ARSG: variants seen among roughly 807,000 people sequenced by gnomAD.
ARSG encodes the protein arylsulfatase G.
Under a neutral mutation model 50.5 loss-of-function variants are expected in ARSG, and 37 were observed. The observed-to-expected ratio is 0.73, with a 90% CI of 0.56 to 0.96. ARSG has a LOEUF of 0.96. Ranked by LOEUF, ARSG falls within the 50% of genes least tolerant of loss-of-function variation. ARSG has a pLI of 0.00. For missense variants in ARSG, 629 were observed against 675.3 expected (o/e 0.93, Z 0.76); for synonymous variants, 225 against 254.6 (o/e 0.88, Z 1.11).
downstream of ARSG, among the ~76,000 whole-genome samples, chr17:68,423,203 A>T (rs886521108): frequency 6.6e-6 from 1 of 152,208 alleles, no homozygotes; most frequent in African/African-American, 2.4e-5. This position sits in a 1 kb window ranked among gnomAD's most constrained non-coding sequence, Gnocchi z 4.4. Context: ...CTGCACAGAG[A>T]TTTGCAATAG....
At chr17:68,411,639 T>G (rs1445791759) in intron 11 of ARSG, among the ~76,000 whole-genome samples, 2 of 147,538 alleles carry the variant, frequency 1.4e-5, no homozygotes, top group East Asian at 3.9e-4. Context: ...GTCTGTTAGG[T>G]CCGCTTGGTG....
downstream of ARSG, among the ~76,000 whole-genome samples, chr17:68,424,203 C>G (rs1393549301): frequency 6.6e-6 from 1 of 152,210 alleles, no homozygotes; most frequent in Non-Finnish European, 1.5e-5. Context: ...AACAACTGCT[C>G]TCCGCCACTG....
At chr17:68,430,273 T>G in the ARSG span, 1 of 1,084,706 alleles carries the variant, frequency 9.2e-7, no homozygotes, top group Admixed American at 2.6e-5. Context: ...GGAGAGACTG[T>G]GCCTTAGCAT....
intron 1 of ARSG, among the ~76,000 whole-genome samples, chr17:68,281,450 C>T (rs1194971746): frequency 1.3e-5 from 2 of 152,054 alleles, no homozygotes; most frequent in Non-Finnish European, 2.9e-5. Flanking sequence ...ACCTCTACAC[C>T]TGTAGTCCCA....
At chr17:68,312,510 G>A (rs1555767117) in intron 2 of ARSG, among the ~76,000 whole-genome samples, 1 of 149,762 alleles carries the variant, frequency 6.7e-6, no homozygotes, top group Non-Finnish European at 1.5e-5. Context: ...AGGCCTACAC[G>A]TTTTTTTTTT....
intron 3 of ARSG, among the ~76,000 whole-genome samples, chr17:68,346,557 G>A (rs1257080048): frequency 3.3e-5 from 5 of 152,144 alleles, no homozygotes; most frequent in Non-Finnish European, 5.9e-5. Flanking sequence ...GCCACACATT[G>A]CCCGATTATT....
chr17:68,356,207 CAGACCTGCTATTACATGA>C (rs2079024747), intron 5 of ARSG, among the ~76,000 whole-genome samples: 1 of 152,174 alleles, frequency 6.6e-6, no homozygotes, highest in Admixed American at 6.6e-5. Flanking sequence ...GTCCTATTGA[CAGACCTGCTATTACATGA>C]AGTCCCAATT....
At chr17:68,388,628 A>T (rs1393229325) in intron 9 of ARSG, among the ~76,000 whole-genome samples, 1 of 152,166 alleles carries the variant, frequency 6.6e-6, no homozygotes, top group East Asian at 1.9e-4. Context: ...AAACAATCTT[A>T]TTTGAAAAAC....
chr17:68,426,268 C>T, downstream of ARSG: 2 of 918,498 alleles, frequency 2.2e-6, no homozygotes, highest in South Asian at 2.8e-5. Flanking sequence ...AAATAAAGGG[C>T]AAAGGAAGCA....
intron 1 of ARSG, among the ~76,000 whole-genome samples, chr17:68,301,870 C>T (rs2076430141): frequency 6.6e-6 from 1 of 151,974 alleles, no homozygotes; most frequent in Admixed American, 6.6e-5. Flanking sequence ...TCCTCCCTGA[C>T]CTCACACAGA....
intron 2 of ARSG, among the ~76,000 whole-genome samples, chr17:68,342,324 GTACATATATATATA>G (rs1206559455): frequency 6.7e-6 from 1 of 148,430 alleles, no homozygotes; most frequent in Admixed American, 6.7e-5. Flanking sequence ...CTTATTTTAT[GTACATATATATATA>G]TACATATATA....
intron 3 of ARSG, among the ~76,000 whole-genome samples, chr17:68,345,474 G>A (rs1308660747): frequency 6.6e-6 from 1 of 152,200 alleles, no homozygotes; most frequent in African/African-American, 2.4e-5. Context: ...GTAAGCAACT[G>A]TTTGCAGCTT....
chr17:68,325,542 C>G (rs1358054138), intron 2 of ARSG, among the ~76,000 whole-genome samples: 1 of 152,116 alleles, frequency 6.6e-6, no homozygotes, highest in Non-Finnish European at 1.5e-5. Flanking sequence ...TCCCTGGTAC[C>G]AGGAAGGTGG....
intron 2 of ARSG, among the ~76,000 whole-genome samples, chr17:68,318,131 A>C (rs1400678877): frequency 6.6e-6 from 1 of 152,016 alleles, no homozygotes; most frequent in Non-Finnish European, 1.5e-5. Context: ...GTAAAACAGG[A>C]GATGAAAGCA....
intron 2 of ARSG, among the ~76,000 whole-genome samples, chr17:68,311,459 C>T (rs2076850783): frequency 6.6e-6 from 1 of 152,128 alleles, no homozygotes; most frequent in African/African-American, 2.4e-5. Context: ...AATTCATGTC[C>T]ATCTAGAACC....
At chr17:68,408,535 T>C (rs1301806150) in intron 11 of ARSG, among the ~76,000 whole-genome samples, 3 of 152,054 alleles carry the variant, frequency 2.0e-5, no homozygotes, top group Non-Finnish European at 4.4e-5. Flanking sequence ...TGTTGGACAT[T>C]TGGGTTGGTT....
intron 11 of ARSG, among the ~76,000 whole-genome samples, chr17:68,413,283 G>A (rs1291650577): frequency 3.3e-5 from 5 of 152,038 alleles, no homozygotes; most frequent in African/African-American, 1.2e-4. Flanking sequence ...TGATGGTGAT[G>A]TACAGATGGG....
intron 8 of ARSG, among the ~76,000 whole-genome samples, chr17:68,376,975 T>C (rs1382364018): frequency 6.6e-6 from 1 of 152,112 alleles, no homozygotes; most frequent in Non-Finnish European, 1.5e-5. Flanking sequence ...TTCTCCTGCT[T>C]CAGCCTCCTG....
chr17:68,428,968 A>G, the ARSG span: 1 of 1,551,280 alleles, frequency 6.4e-7, no homozygotes, highest in Non-Finnish European at 8.9e-7. Flanking sequence ...AACCGTGATG[A>G]CAACGAAGAT....
Sources: gnomAD v4.1 joint callset for allele counts (sites outside exome capture counted in the v4.1 genomes callset) on GRCh38, gnomAD v4.1.1 for gene constraint, Gnocchi (gnomAD v3.1) non-coding constraint, MANE v1.5 for transcripts, NCBI Gene and HGNC (gene_info 2026-07-23, HGNC 2026-07-21) for gene names.